The following MPHOSPH6 variants were observed in gnomAD, a reference collection of about 807,000 sequenced individuals.
MPHOSPH6 encodes the protein M-phase phosphoprotein 6.
In MPHOSPH6, 25 loss-of-function variants were observed where a neutral mutation model predicts 21.8. The ratio of observed to expected loss-of-function variants is 1.15; its 90% CI spans 0.83 to 1.60. The LOEUF is 1.60. Ranked by LOEUF, MPHOSPH6 falls within the 40% of genes most tolerant of loss-of-function variation. The pLI, the probability that MPHOSPH6 is intolerant of heterozygous loss-of-function variation, is 0.00. For synonymous variants in MPHOSPH6, 84 were observed against 56.5 expected, an observed-to-expected ratio of 1.49 and a Z score of -2.18; for missense variants, 269 against 181.8, an observed-to-expected ratio of 1.48 and a Z score of -2.76.
At chr16:82,150,513 T>G (rs1906230524) in intron 3 of MPHOSPH6, among the ~76,000 whole-genome samples, 1 of 152,162 alleles carries the variant, frequency 6.6e-6, no homozygotes, top group African/African-American at 2.4e-5. Flanking sequence ...TTCAATAAAC[T>G]CTGGCAATTG....
At chr16:82,167,120 C>G (rs1906807795) in intron 1 of MPHOSPH6, among the ~76,000 whole-genome samples, 1 of 152,172 alleles carries the variant, frequency 6.6e-6, no homozygotes, top group Non-Finnish European at 1.5e-5. Flanking sequence ...GACTGTCTGG[C>G]TCATAAGACC....
At chr16:82,168,436 C>T (rs1329029588) in intron 1 of MPHOSPH6, among the ~76,000 whole-genome samples, 3 of 151,170 alleles carry the variant, frequency 2.0e-5, no homozygotes. Flanking sequence ...AGCTCAACTC[C>T]ATTCAAATCT....
intron 2 of MPHOSPH6, among the ~76,000 whole-genome samples, chr16:82,157,849 G>T (rs1906477707): frequency 6.6e-6 from 1 of 152,198 alleles, no homozygotes; most frequent in Admixed American, 6.5e-5. Flanking sequence ...ACCTGCCTGA[G>T]AAACATAAAG....
chr16:82,167,005 A>G (rs934417701), intron 1 of MPHOSPH6, among the ~76,000 whole-genome samples: 1 of 152,232 alleles, frequency 6.6e-6, no homozygotes, highest in Non-Finnish European at 1.5e-5. Flanking sequence ...AGCATAATAC[A>G]GTCCTCAGGC....
At chr16:82,152,144 T>C (rs1360515877) in intron 2 of MPHOSPH6, among the ~76,000 whole-genome samples, 1 of 152,242 alleles carries the variant, frequency 6.6e-6, no homozygotes, top group Non-Finnish European at 1.5e-5. Context: ...GTCTTTTTTG[T>C]ACTTGCATTT....
At chr16:82,158,174 C>T (rs76663982) in intron 2 of MPHOSPH6, among the ~76,000 whole-genome samples, 2 of 151,964 alleles carry the variant, frequency 1.3e-5, no homozygotes, top group South Asian at 2.1e-4. Context: ...ATTCGGTATA[C>T]GAAATTGAAA....
chr16:82,169,868 G>C (rs1013264927), intron 1 of MPHOSPH6, among the ~76,000 whole-genome samples: 3 of 152,320 alleles, frequency 2.0e-5, no homozygotes, highest in African/African-American at 7.2e-5. Context: ...ACTGCACTGG[G>C]TAAGCTGTAC....
At chr16:82,163,827 CAG>C in intron 2 of MPHOSPH6, 1 of 361,794 alleles carries the variant, frequency 2.8e-6, no homozygotes, top group Non-Finnish European at 4.9e-6. Context: ...CTGTTACTAT[CAG>C]AGATATGTGG....
intron 1 of MPHOSPH6, among the ~76,000 whole-genome samples, chr16:82,168,153 G>A (rs1415621795): frequency 1.3e-5 from 2 of 151,998 alleles, no homozygotes; most frequent in Non-Finnish European, 2.9e-5. Context: ...TTTCTTCTTA[G>A]TTGCAACTCG....
At position 82,151,514 on chromosome 16, in the gene MPHOSPH6, C is replaced by A. The variant is rs1906264039; in HGVS notation, c.165G>T (p.Glu55Asp). Residue 55 changes from glutamate (E) to aspartate (D), a missense_variant and splice_region_variant, in exon 3 of 5, where the codon GAG becomes GAT. Physicochemically the swap from Glu to Asp is conservative, Grantham distance 45. Coordinates refer to ENST00000258169, the MANE Select transcript of MPHOSPH6 (RefSeq NM_005792.2). Reference protein sequence around the residue: ...YLDLPELKEKESFIIEEQSFL... With the variant: ...YLDLPELKEKDSFIIEEQSFL... ...AACTCTGCTCTTCTATTATGAAACT[C>A]CTAAATGGGAAAATAAAAATAGCAT... is the stretch of plus-strand genomic sequence containing the variant. 2.5e-6 allele frequency: 4 copies of A among 1,570,366 alleles called. No homozygotes were observed. Among genetic ancestry groups the A allele is most frequent in the Non-Finnish European group, 3.4e-6 (4 of 1,162,626 alleles).
chr16:82,151,879 G>C (rs1906275681), intron 2 of MPHOSPH6, among the ~76,000 whole-genome samples: 1 of 152,106 alleles, frequency 6.6e-6, no homozygotes, highest in South Asian at 2.1e-4. Flanking sequence ...TTTTCAGAAA[G>C]GAAATAATAT....
Position 82,148,811 on chromosome 16 carries a change from GGT to G in MPHOSPH6, c.401_402del (p.Asp134AlafsTer5). 6.2e-7 allele frequency: 1 copy of G among 1,613,988 alleles called. No individual in the cohort carries two copies. The highest frequency in any genetic ancestry group is 8.5e-7 in the Non-Finnish European group (1 of 1,179,980). ...TIGKKFARKRDHANYEEDENG... is the reference protein window; with the variant it reads ...TIGKKFARKRXHANYEEDENG... ...TTTTCATCTTCTTCATAATTGGCAT[GGT>G]CTCTCTTTCTGGCAAACTTTTTCCC... On this transcript the variant is annotated frameshift_variant, in exon 5 of 5. Coordinates refer to ENST00000258169, the MANE Select transcript of MPHOSPH6 (RefSeq NM_005792.2). LOFTEE classifies it high-confidence loss of function.
intron 2 of MPHOSPH6, among the ~76,000 whole-genome samples, chr16:82,159,840 C>T (rs533610548): frequency 6.6e-6 from 1 of 152,212 alleles, no homozygotes; most frequent in Non-Finnish European, 1.5e-5. Context: ...AACCGCCTCT[C>T]CCTGAGGGAA....
At chr16:82,156,570 T>G (rs1317898072) in intron 2 of MPHOSPH6, among the ~76,000 whole-genome samples, 1 of 152,148 alleles carries the variant, frequency 6.6e-6, no homozygotes, top group Non-Finnish European at 1.5e-5. Context: ...AAAACCATAA[T>G]AAGATGCCAC....
At chr16:82,149,935 C>T (rs1906210354) in intron 3 of MPHOSPH6, among the ~76,000 whole-genome samples, 1 of 151,912 alleles carries the variant, frequency 6.6e-6, no homozygotes, top group South Asian at 2.1e-4. Context: ...ATAATGCATC[C>T]CATGTAACAT....
intron 1 of MPHOSPH6, among the ~76,000 whole-genome samples, chr16:82,165,230 A>T (rs57080322): frequency 0.11 from 15,849 of 145,418 alleles, 1,911 homozygotes; most frequent in African/African-American, 0.3. Context: ...TAGGTTCAAG[A>T]GGTTCTCCTG....
At chr16:82,162,045 T>C (rs563409356) in intron 2 of MPHOSPH6, among the ~76,000 whole-genome samples, 1 of 152,328 alleles carries the variant, frequency 6.6e-6, no homozygotes, top group South Asian at 2.1e-4. Flanking sequence ...ACTTCATATA[T>C]TCAGATATAA....
At chr16:82,152,396 C>T (rs1374227689) in intron 2 of MPHOSPH6, among the ~76,000 whole-genome samples, 2 of 152,152 alleles carry the variant, frequency 1.3e-5, no homozygotes, top group Non-Finnish European at 2.9e-5. Context: ...TAGCTATAAA[C>T]ACCAAAGGCT....
At chr16:82,150,274 C>T (rs1226957152) in intron 3 of MPHOSPH6, among the ~76,000 whole-genome samples, 1 of 152,124 alleles carries the variant, frequency 6.6e-6, no homozygotes, top group Non-Finnish European at 1.5e-5. Context: ...GAATGCTCGC[C>T]TATCCAAACC....
Sources: gnomAD v4.1 joint callset for allele counts (sites outside exome capture counted in the v4.1 genomes callset) on GRCh38, gnomAD v4.1.1 for gene constraint, MANE v1.5 for transcripts, NCBI Gene and HGNC (gene_info 2026-07-23, HGNC 2026-07-21) for gene names.